PREP: variants seen among roughly 807,000 people sequenced by gnomAD.
PREP encodes the protein prolyl endopeptidase, also known as dJ355L5.1 (prolyl endopeptidase).
PREP carries 29 observed loss-of-function variants against 87.6 expected under a neutral mutation model. That is an observed-to-expected ratio of 0.33 (90% CI 0.25 to 0.45). PREP has a LOEUF of 0.45. Among genes scored for constraint, PREP ranks in the 20% least tolerant of loss-of-function variants. The pLI, the probability that PREP is intolerant of heterozygous loss-of-function variation, is 1.00. For synonymous variants in PREP, 337 were observed against 328.6 expected, an observed-to-expected ratio of 1.03 and a Z score of -0.28; for missense variants, 695 against 886.5, an observed-to-expected ratio of 0.78 and a Z score of 2.74.
chr6:105,352,985 G>C lies in PREP; in HGVS notation c.810C>G (p.Ser270=), dbSNP rs922045990. 4 of 1,612,952 alleles carry C rather than the reference G, an allele frequency of 2.5e-6. No homozygotes were observed. In the African/African-American group the frequency reaches 5.3e-5, roughly 22 times the overall value. Residue 270 remains serine, a synonymous_variant, in exon 7 of 15, where the codon TCC becomes TCG. Coordinates refer to ENST00000652536, the MANE Select transcript of PREP (RefSeq NM_002726.5). The part of the protein sequence containing the change: ...RLWYCDLQQE[S]SGIAGILKWV... ...AAAATAACTCACCCGCGATGCCACT[G>C]GATTCCTGCTGTAGGTCACAGTACC...
At chr6:105,300,058 G>A (rs537527714) in intron 10 of PREP, among the ~76,000 whole-genome samples, 6 of 152,138 alleles carry the variant, frequency 3.9e-5, no homozygotes, top group East Asian at 1.9e-4. Flanking sequence ...CACCACACCC[G>A]GGTAACTTTG....
chr6:105,374,637 TATATATATATATATATATATA>T (rs1430441869), intron 4 of PREP, among the ~76,000 whole-genome samples: 22 of 180 alleles, frequency 0.12, no homozygotes, highest in Admixed American at 0.32. Context: ...ATTGTTTATA[TATATATATATATATATATATA>T]TATATATATA....
At chr6:105,354,437 C>G (rs952127102) in intron 6 of PREP, among the ~76,000 whole-genome samples, 3 of 151,886 alleles carry the variant, frequency 2.0e-5, no homozygotes, top group Non-Finnish European at 4.4e-5. Context: ...CTTCCATACC[C>G]TTATTATGAG....
chr6:105,302,690 TAGAG>T (rs763286269), intron 10 of PREP: 3 of 500,778 alleles, frequency 6.0e-6, no homozygotes, highest in Non-Finnish European at 1.2e-5. Flanking sequence ...ACACGGATCT[TAGAG>T]AGCTTGGAGA....
At chr6:105,328,233 T>C (rs1055012461) in intron 9 of PREP, among the ~76,000 whole-genome samples, 1 of 152,172 alleles carries the variant, frequency 6.6e-6, no homozygotes, top group Non-Finnish European at 1.5e-5. Context: ...GACCAAAGAC[T>C]GAATCAAATG....
At chr6:105,384,167 C>A (rs1203646571) in intron 2 of PREP, among the ~76,000 whole-genome samples, 1 of 152,126 alleles carries the variant, frequency 6.6e-6, no homozygotes, top group East Asian at 1.9e-4. Flanking sequence ...GTCCCTCCCC[C>A]AGACCACGGC....
chr6:105,304,083 A>G (rs2114629062), intron 10 of PREP, among the ~76,000 whole-genome samples: 1 of 152,376 alleles, frequency 6.6e-6, no homozygotes, highest in South Asian at 2.1e-4. Context: ...TCACATCTGC[A>G]GAGTCAACCA....
At chr6:105,388,646 T>C (rs1773063182) in intron 2 of PREP, among the ~76,000 whole-genome samples, 1 of 152,212 alleles carries the variant, frequency 6.6e-6, no homozygotes, top group Non-Finnish European at 1.5e-5. Flanking sequence ...GTTTACAAAC[T>C]GTAATAAAGC....
chr6:105,291,460 G>A (rs1770295442), intron 10 of PREP, among the ~76,000 whole-genome samples: 1 of 152,166 alleles, frequency 6.6e-6, no homozygotes, highest in Non-Finnish European at 1.5e-5. Context: ...GTGGGCTGGG[G>A]AAGACAAATC....
At chr6:105,387,637 GA>G (rs1003107654) in intron 2 of PREP, among the ~76,000 whole-genome samples, 26 of 142,110 alleles carry the variant, frequency 1.8e-4, no homozygotes, top group Non-Finnish European at 3.2e-4. Context: ...AAGAAAAAAA[GA>G]AAAAGAAAAA....
chr6:105,357,179 A>G (rs1029761149), intron 6 of PREP, among the ~76,000 whole-genome samples: 3 of 152,240 alleles, frequency 2.0e-5, no homozygotes, highest in African/African-American at 7.2e-5. Flanking sequence ...TATTAATATA[A>G]TTGAAAGCAA....
intron 10 of PREP, among the ~76,000 whole-genome samples, chr6:105,297,083 A>G (rs1308979602): frequency 6.6e-6 from 1 of 152,190 alleles, no homozygotes; most frequent in Non-Finnish European, 1.5e-5. Flanking sequence ...ACCTGTGTAC[A>G]TGCTCCTCCA....
At chr6:105,287,396 CAT>C (rs1406471411) in intron 11 of PREP, among the ~76,000 whole-genome samples, 57 of 152,144 alleles carry the variant, frequency 3.7e-4, no homozygotes, top group Non-Finnish European at 5.9e-5. Flanking sequence ...GATGATGCCA[CAT>C]ATATCTTTCG....
chr6:105,395,371 C>T (rs1049171249), intron 2 of PREP, among the ~76,000 whole-genome samples: 13 of 152,016 alleles, frequency 8.6e-5, no homozygotes, highest in African/African-American at 2.9e-4. Context: ...CCTGGGTTAC[C>T]CTTGACTACA....
At chr6:105,360,253 T>A (rs1772212390) in intron 6 of PREP, among the ~76,000 whole-genome samples, 2 of 152,114 alleles carry the variant, frequency 1.3e-5, no homozygotes, top group South Asian at 4.2e-4. Context: ...ACTCCCAACC[T>A]CTCTCATTTC....
At chr6:105,400,992 A>G (rs1773414993) in intron 1 of PREP, among the ~76,000 whole-genome samples, 1 of 152,204 alleles carries the variant, frequency 6.6e-6, no homozygotes. Context: ...CTCCACCGTA[A>G]GCTATCAAGG....
intron 10 of PREP, 37 bp downstream of exon 10, chr6:105,323,628 C>T (rs1265898996): frequency 2.0e-6 from 3 of 1,537,020 alleles, no homozygotes; most frequent in Admixed American, 3.3e-5. Context: ...AGTCAGACTT[C>T]CTAACTCTCA....
chr6:105,310,233 AT>A (rs1355356060), intron 10 of PREP, among the ~76,000 whole-genome samples: 1 of 152,258 alleles, frequency 6.6e-6, no homozygotes, highest in African/African-American at 2.4e-5. Flanking sequence ...AATATTTTTA[AT>A]AAGCTTTTCA....
intron 2 of PREP, among the ~76,000 whole-genome samples, chr6:105,393,245 G>A (rs750781962): frequency 3.0e-4 from 45 of 152,070 alleles, no homozygotes; most frequent in Non-Finnish European, 6.0e-4. Flanking sequence ...TCTTTTATAA[G>A]ATCTGAAATG....
Sources: allele counts gnomAD v4.1 joint callset (sites outside exome capture counted in the v4.1 genomes callset), GRCh38; gene constraint gnomAD v4.1.1; transcripts MANE v1.5; gene names NCBI Gene and HGNC (gene_info 2026-07-23, HGNC 2026-07-21).